Variants in DENND1A observed in about 807,000 individuals in gnomAD.
DENND1A encodes the protein DENN domain-containing protein 1A.
In DENND1A, 51 loss-of-function variants were observed where a neutral mutation model predicts 113.7. The observed-to-expected ratio is 0.45, with a 90% CI of 0.36 to 0.57. The LOEUF (loss-of-function observed/expected upper bound fraction) is 0.57, where lower values mean the gene tolerates loss of function less well. Among genes scored for constraint, DENND1A ranks in the 20% least tolerant of loss-of-function variants. DENND1A has a pLI of 0.00. For missense variants in DENND1A, 1,258 were observed against 1,395.9 expected, an observed-to-expected ratio of 0.90 and a Z score of 1.57; for synonymous variants, 565 against 570.8, an observed-to-expected ratio of 0.99 and a Z score of 0.14.
chr9:123,583,087 C>T, intron 12 of DENND1A, 82 bp downstream of exon 12: 1 of 1,044,114 alleles, frequency 9.6e-7, no homozygotes, highest in Non-Finnish European at 1.4e-6. Flanking sequence ...GCTATTTCCC[C>T]TCCTTCCCCA....
chr9:123,786,422 C>G (rs1022047953), intron 3 of DENND1A, among the ~76,000 whole-genome samples: 6 of 152,130 alleles, frequency 3.9e-5, no homozygotes, highest in Admixed American at 1.3e-4. Context: ...TTCCCACTTT[C>G]AAGTGTTGTG....
At position 123,391,552 on chromosome 9, in the gene DENND1A, T is replaced by C. The variant is rs1350308552; in HGVS notation, c.1632-3694A>G. 3.9e-5 allele frequency among the ~76,000 whole-genome samples: 6 copies of C among 152,264 alleles called. No individual in the cohort carries two copies. In the South Asian group the frequency reaches 1.2e-3, roughly 32 times the overall value. Reference sequence around the variant, plus strand: ...TTCAACCACTACGGGATCTTGCCTCTTCAGTTTTCTGGGTCAGAAACAACG... The same window carrying C: ...TTCAACCACTACGGGATCTTGCCTCCTCAGTTTTCTGGGTCAGAAACAACG... On this transcript the variant is annotated intron_variant, in intron 21 of 23. Coordinates refer to ENST00000394215, the MANE Select transcript of DENND1A (RefSeq NM_001352964.2).
intron 5 of DENND1A, among the ~76,000 whole-genome samples, chr9:123,741,394 G>A (rs2069011039): frequency 6.6e-6 from 1 of 152,172 alleles, no homozygotes; most frequent in Admixed American, 6.5e-5. Flanking sequence ...TGTCAACAAT[G>A]TCAAAGGAAA....
intron 9 of DENND1A, among the ~76,000 whole-genome samples, chr9:123,632,064 A>T (rs569350898): frequency 6.6e-6 from 1 of 152,294 alleles, no homozygotes; most frequent in East Asian, 1.9e-4. Flanking sequence ...GTGGCGAAAG[A>T]GTGACGTGCC....
chr9:123,741,184 C>T (rs1008456386), intron 5 of DENND1A, among the ~76,000 whole-genome samples: 4 of 152,132 alleles, frequency 2.6e-5, no homozygotes, highest in Non-Finnish European at 1.5e-5. Context: ...TCATGCCAAA[C>T]CTCAGCAACT....
At chr9:123,832,855 T>C (rs1047718286) in intron 2 of DENND1A, among the ~76,000 whole-genome samples, 3 of 152,144 alleles carry the variant, frequency 2.0e-5, no homozygotes, top group African/African-American at 7.2e-5. Context: ...ATAATGGTTT[T>C]AGCTGGGCAC....
At chr9:123,416,349 G>A (rs185583917) in intron 19 of DENND1A, among the ~76,000 whole-genome samples, 1 of 152,298 alleles carries the variant, frequency 6.6e-6, no homozygotes, top group Non-Finnish European at 1.5e-5. Context: ...ACCCCCAGCT[G>A]GTAATGGGCA....
At chr9:123,672,657 G>C (rs1435624715) in intron 6 of DENND1A, among the ~76,000 whole-genome samples, 2 of 152,146 alleles carry the variant, frequency 1.3e-5, no homozygotes, top group South Asian at 4.2e-4. Flanking sequence ...GTGGGCTTCT[G>C]ATAAAGGATA....
At chr9:123,878,864 T>C in intron 2 of DENND1A, 87 bp downstream of exon 2, 2 of 1,318,120 alleles carry the variant, frequency 1.5e-6, no homozygotes, top group South Asian at 2.5e-5. Flanking sequence ...CAAATAACAA[T>C]TTACTCATAT....
chr9:123,402,631 C>G (rs1440885841), intron 21 of DENND1A: 3 of 534,452 alleles, frequency 5.6e-6, no homozygotes, highest in Non-Finnish European at 7.7e-6. Context: ...AGGAAGTCAG[C>G]GTGTAGCCGC....
intron 19 of DENND1A, among the ~76,000 whole-genome samples, chr9:123,421,644 G>C (rs2045315444): frequency 6.6e-6 from 1 of 152,168 alleles, no homozygotes; most frequent in Non-Finnish European, 1.5e-5. Context: ...AGCAAAACCA[G>C]GCTCATTTAT....
intron 13 of DENND1A, among the ~76,000 whole-genome samples, chr9:123,460,166 GA>G (rs1003771852): frequency 9.9e-5 from 15 of 152,130 alleles, no homozygotes; most frequent in African/African-American, 2.7e-4. Flanking sequence ...TTGTGTACGA[GA>G]AAAAAACCCC....
rs373278848 is a variant in DENND1A, at chr9:123,413,749, G to A, written c.1489-1920C>T. On this transcript the variant is annotated intron_variant, in intron 19 of 23. Coordinates refer to ENST00000394215, the MANE Select transcript of DENND1A (RefSeq NM_001352964.2). ...TGACAGCTACCCGGGAGTTGGGGGTGCTGCCTAGGGATGGGCAAGGCCACC... is the reference window on the plus strand; with the variant it reads ...TGACAGCTACCCGGGAGTTGGGGGTACTGCCTAGGGATGGGCAAGGCCACC... 502 of 985,512 alleles carry A rather than the reference G, an allele frequency of 5.1e-4. 2 individuals are homozygous for A. The African/African-American group carries it at 5.8e-3, about 11-fold the overall frequency. The allele number at this position is 985,512 out of a possible 1,614,324, so 61.0% of individuals were successfully genotyped here.
At chr9:123,463,074 G>C (rs749399506) in intron 13 of DENND1A, among the ~76,000 whole-genome samples, 3 of 152,308 alleles carry the variant, frequency 2.0e-5, no homozygotes, top group Middle Eastern at 3.4e-3. Context: ...TTAGTTCTAC[G>C]AGGCTGATTA....
chr9:123,390,081 GA>G (rs2042763088), intron 21 of DENND1A, among the ~76,000 whole-genome samples: 1 of 152,220 alleles, frequency 6.6e-6, no homozygotes, highest in African/African-American at 2.4e-5. Context: ...GGACTTCTAC[GA>G]AGCCCACTGG....
chr9:123,850,716 G>GT (rs1843223447), intron 2 of DENND1A, among the ~76,000 whole-genome samples: 2 of 152,124 alleles, frequency 1.3e-5, no homozygotes, highest in Admixed American at 1.3e-4. Context: ...GACAGTAACA[G>GT]TATCTATCCC....
intron 5 of DENND1A, among the ~76,000 whole-genome samples, chr9:123,750,239 A>T (rs1263763616): frequency 1.3e-5 from 2 of 152,200 alleles, no homozygotes; most frequent in African/African-American, 4.8e-5. Context: ...TTTTCTTTAA[A>T]CTGTACAGCT....
intron 1 of DENND1A, among the ~76,000 whole-genome samples, chr9:123,884,217 G>A (rs1230203113): frequency 6.6e-6 from 1 of 152,032 alleles, no homozygotes; most frequent in Non-Finnish European, 1.5e-5. Context: ...CCTTGAGATT[G>A]CTTATCCCTC....
chr9:123,801,044 A>C (rs1053603596), intron 2 of DENND1A, among the ~76,000 whole-genome samples: 1 of 152,030 alleles, frequency 6.6e-6, no homozygotes, highest in Non-Finnish European at 1.5e-5. Flanking sequence ...CTTATACCAA[A>C]ATCCTGTCTT....
Sources: allele counts gnomAD v4.1 joint callset (sites outside exome capture counted in the v4.1 genomes callset), GRCh38; gene constraint gnomAD v4.1.1; transcripts MANE v1.5; gene names NCBI Gene and HGNC (gene_info 2026-07-23, HGNC 2026-07-21).